The following SOX5 variants were observed in gnomAD, a reference collection of about 807,000 sequenced individuals.
The protein encoded by SOX5 is transcription factor SOX-5.
A neutral mutation model predicts 92.0 loss-of-function variants in SOX5; 9 were observed. The ratio of observed to expected loss-of-function variants is 0.10; its 90% CI spans 0.06 to 0.17. The LOEUF is 0.17. Ranked by LOEUF, SOX5 falls within the 10% of genes least tolerant of loss-of-function variation. The pLI, the probability that SOX5 is intolerant of heterozygous loss-of-function variation, is 1.00. For missense variants in SOX5, 642 were observed against 944.5 expected, an observed-to-expected ratio of 0.68 and a Z score of 4.20; for synonymous variants, 344 against 336.3, an observed-to-expected ratio of 1.02 and a Z score of -0.25.
chr12:23,896,661 C>T (rs1241929472), intron 1 of SOX5, among the ~76,000 whole-genome samples: 1 of 150,950 alleles, frequency 6.6e-6, no homozygotes, highest in Non-Finnish European at 1.5e-5. Context: ...TCCCTCATCT[C>T]CCCAAATTAC....
At chr12:24,229,227 G>T (rs528211310) in intron 3 of SOX5, among the ~76,000 whole-genome samples, 79 of 152,364 alleles carry the variant, frequency 5.2e-4, no homozygotes, top group Non-Finnish European at 1.0e-3. Flanking sequence ...TTTAACAACA[G>T]TAAAACAACC....
intron 2 of SOX5, among the ~76,000 whole-genome samples, chr12:23,858,454 T>C (rs897815242): frequency 3.9e-5 from 6 of 152,112 alleles, no homozygotes; most frequent in African/African-American, 4.8e-5. Context: ...CTCAATATTA[T>C]TGATCACTAG....
chr12:24,476,628 C>A (rs1445912032), intron 1 of SOX5, among the ~76,000 whole-genome samples: 3 of 152,136 alleles, frequency 2.0e-5, no homozygotes, highest in African/African-American at 4.8e-5. Flanking sequence ...CCAGCCCAGG[C>A]CCCCACGGCA....
Position 24,376,689 on chromosome 12 carries a change from C to T in SOX5, c.-250-8050G>A, listed in dbSNP as rs139518927. Among the ~76,000 whole-genome samples, 363 of 93,098 alleles carry T rather than the reference C, an allele frequency of 3.9e-3. 4 individuals carry two copies. The highest frequency in any genetic ancestry group is 0.014 in the African/African-American group (349 of 24,604). 61.1% of individuals were successfully genotyped at this position (93,098 alleles called of 152,430 possible). On this transcript the variant is annotated intron_variant, in intron 1 of 4. Coordinates refer to the SOX5 transcript ENST00000446891. The stretch of plus-strand genomic sequence containing the variant: ...TCAGAATGATGCTATGGGAGAGATA[C>T]CTTTTTTTTTTTTTTTTTTTTTTTT...
intron 2 of SOX5, among the ~76,000 whole-genome samples, chr12:23,878,225 A>G (rs1295112497): frequency 6.6e-6 from 1 of 152,068 alleles, no homozygotes; most frequent in African/African-American, 2.4e-5. Context: ...ATATAGACAT[A>G]TAATAGATCA....
chr12:23,663,746 A>T (rs182466729), intron 7 of SOX5, among the ~76,000 whole-genome samples: 186 of 152,236 alleles, frequency 1.2e-3, no homozygotes, highest in African/African-American at 4.3e-3. Flanking sequence ...ATCAGAATTT[A>T]AAAAAATCAG....
intron 4 of SOX5, among the ~76,000 whole-genome samples, chr12:24,031,530 G>A (rs1331167031): frequency 1.3e-5 from 2 of 151,780 alleles, no homozygotes; most frequent in African/African-American, 4.8e-5. Context: ...GAGCTGCAGA[G>A]GTGGATGAAG....
At chr12:23,974,451 A>G (rs1018830151) in intron 4 of SOX5, among the ~76,000 whole-genome samples, 3 of 152,142 alleles carry the variant, frequency 2.0e-5, no homozygotes, top group Admixed American at 6.6e-5. Flanking sequence ...ATTCCAATGT[A>G]AAAGAGAAAA....
At chr12:23,962,959 T>C (rs1299691392) in intron 4 of SOX5, among the ~76,000 whole-genome samples, 1 of 152,132 alleles carries the variant, frequency 6.6e-6, no homozygotes, top group Non-Finnish European at 1.5e-5. Flanking sequence ...GTAATAATGA[T>C]CCTGTCCAAT....
chr12:23,675,640 AT>A (rs1387543379), intron 6 of SOX5, among the ~76,000 whole-genome samples: 1 of 152,156 alleles, frequency 6.6e-6, no homozygotes, highest in Non-Finnish European at 1.5e-5. Flanking sequence ...CTTGGCAATG[AT>A]TTTTTTAATA....
intron 1 of SOX5, among the ~76,000 whole-genome samples, chr12:24,550,402 C>T (rs1010553471): frequency 1.3e-5 from 2 of 152,170 alleles, no homozygotes; most frequent in Non-Finnish European, 2.9e-5. Flanking sequence ...TTTCTAGCTT[C>T]TGCTCTGGAC....
At chr12:24,195,521 T>A (rs11047309) in intron 4 of SOX5, among the ~76,000 whole-genome samples, 18,235 of 152,166 alleles carry the variant, frequency 0.12, 1,139 homozygotes, top group Admixed American at 0.15. Context: ...GTTGTACATA[T>A]AACAAGCTTT....
intron 9 of SOX5, among the ~76,000 whole-genome samples, chr12:23,593,215 C>T (rs1420448725): frequency 6.6e-6 from 1 of 152,142 alleles, no homozygotes; most frequent in Non-Finnish European, 1.5e-5. Context: ...CCTACGAATT[C>T]CCCTGATCAT....
At chr12:24,308,568 T>C (rs570523941) in intron 2 of SOX5, among the ~76,000 whole-genome samples, 10 of 152,238 alleles carry the variant, frequency 6.6e-5, no homozygotes, top group Non-Finnish European at 1.3e-4. Flanking sequence ...CTAAGATACT[T>C]TGTGGTACCA....
At chr12:24,508,584 C>T (rs1001796766) in intron 1 of SOX5, among the ~76,000 whole-genome samples, 1 of 152,268 alleles carries the variant, frequency 6.6e-6, no homozygotes, top group South Asian at 2.1e-4. Context: ...TCAGTCACAA[C>T]AGAGCTATAG....
intron 3 of SOX5, among the ~76,000 whole-genome samples, chr12:24,230,091 T>C (rs1176865851): frequency 6.6e-6 from 1 of 152,180 alleles, no homozygotes; most frequent in Non-Finnish European, 1.5e-5. Context: ...ATCACTCAGA[T>C]TGGCCTTGAA....
In SOX5 at chr12:23,931,016, C is replaced by T. The variant is rs565665670; in HGVS notation, c.38+18548G>A. 6.0e-4 allele frequency among the ~76,000 whole-genome samples: 91 copies of T among 151,854 alleles called. 1 individual carries two copies. Among genetic ancestry groups the T allele is most frequent in the African/African-American group, 2.0e-3 (85 of 41,490 alleles). On this transcript the variant is annotated intron_variant, in intron 1 of 14. Transcript: ENST00000451604. Reference sequence around the variant, plus strand: ...TGCTTAGTATGTCTCTCCCACCAAACCATAAGCTTCATAGGGACAAAAGCT... The same window carrying T: ...TGCTTAGTATGTCTCTCCCACCAAATCATAAGCTTCATAGGGACAAAAGCT...
In SOX5 at chr12:23,532,920, GA is replaced by G; in HGVS notation, c.*1298del. On this transcript the variant is annotated 3_prime_UTR_variant, in exon 15 of 15. Coordinates refer to ENST00000451604, the MANE Select transcript of SOX5 (RefSeq NM_006940.6). ...ATTGTTTTGCTCAAAATATCAACAG[GA>G]AAAACAAAAATCACTAAGTAGCAAA... The G allele has an allele frequency of 6.2e-6, 1 of 161,994 alleles. No homozygotes were observed. The allele number at this position is 161,994 out of a possible 1,614,324, so 10.0% of individuals were successfully genotyped here.
At chr12:23,870,843 T>C (rs780972589) in intron 2 of SOX5, among the ~76,000 whole-genome samples, 12 of 152,296 alleles carry the variant, frequency 7.9e-5, no homozygotes, top group South Asian at 2.1e-4. Context: ...TTTCTACTTA[T>C]GTAAGATTTA....
Sources: allele counts gnomAD v4.1 joint callset (sites outside exome capture counted in the v4.1 genomes callset), GRCh38; gene constraint gnomAD v4.1.1; transcripts MANE v1.5; gene names NCBI Gene and HGNC (gene_info 2026-07-23, HGNC 2026-07-21).